The following IFT52 variants were observed in gnomAD, a reference collection of about 807,000 sequenced individuals.
The protein encoded by IFT52 is intraflagellar transport protein 52 homolog.
In IFT52, 44 loss-of-function variants were observed where a neutral mutation model predicts 54.4. That is an observed-to-expected ratio of 0.81 (90% confidence interval 0.63 to 1.04). The LOEUF is 1.04. Ranked by LOEUF, IFT52 falls within the 50% of genes least tolerant of loss-of-function variation. The pLI, the probability that IFT52 is intolerant of heterozygous loss-of-function variation, is 0.00. For missense variants in IFT52, 452 were observed against 523.6 expected (o/e 0.86, Z 1.33); for synonymous variants, 181 against 185.3 (o/e 0.98, Z 0.19).
chr20:43,639,659 A>T (rs1230392153), intron 12 of IFT52, among the ~76,000 whole-genome samples: 1 of 151,726 alleles, frequency 6.6e-6, no homozygotes, highest in Non-Finnish European at 1.5e-5. Context: ...AACAAGAGCG[A>T]AACTCCATCT....
intron 10 of IFT52, among the ~76,000 whole-genome samples, chr20:43,630,339 A>T (rs1985072120): frequency 6.6e-6 from 1 of 152,228 alleles, no homozygotes; most frequent in African/African-American, 2.4e-5. Flanking sequence ...ATGAAGGATT[A>T]ATTGGAACTG....
intron 3 of IFT52, among the ~76,000 whole-genome samples, chr20:43,599,292 C>T (rs1170850056): frequency 6.6e-6 from 1 of 152,136 alleles, no homozygotes; most frequent in African/African-American, 2.4e-5. Context: ...CTCAGGAACA[C>T]AGGGGCATCC....
At chr20:43,635,309 AG>A (rs1223757704) in intron 10 of IFT52, among the ~76,000 whole-genome samples, 1 of 151,104 alleles carries the variant, frequency 6.6e-6, no homozygotes, top group Non-Finnish European at 1.5e-5. Context: ...TTTTTTTTTG[AG>A]ACAGAATTTT....
At chr20:43,617,191 A>C (rs1327960431) in intron 7 of IFT52, among the ~76,000 whole-genome samples, 1 of 152,146 alleles carries the variant, frequency 6.6e-6, no homozygotes, top group East Asian at 1.9e-4. Flanking sequence ...TTGTGACTAT[A>C]ACTACACAAC....
chr20:43,636,593 G>A (rs983449668), intron 11 of IFT52, among the ~76,000 whole-genome samples: 1 of 152,076 alleles, frequency 6.6e-6, no homozygotes, highest in Non-Finnish European at 1.5e-5. Flanking sequence ...GTTTTGTTTT[G>A]AAAGTAGTTA....
intron 1 of IFT52, among the ~76,000 whole-genome samples, chr20:43,592,165 G>A (rs926948406): frequency 6.6e-6 from 1 of 152,120 alleles, no homozygotes; most frequent in South Asian, 2.1e-4. Context: ...GACCAGCCTG[G>A]CCAACCTGGT....
intron 12 of IFT52, among the ~76,000 whole-genome samples, chr20:43,639,180 G>A (rs1366406138): frequency 6.6e-6 from 1 of 151,746 alleles, no homozygotes; most frequent in East Asian, 1.9e-4. Context: ...CCATCATTAG[G>A]GGGATTGGTT....
chr20:43,605,229 T>C, intron 6 of IFT52, 156 bp downstream of exon 6: 2 of 1,428,756 alleles, frequency 1.4e-6, no homozygotes, highest in Non-Finnish European at 1.8e-6. Context: ...AAGTCCATGC[T>C]CCTCCCCCTG....
In IFT52 at chr20:43,632,121, C is replaced by T. The variant is rs183254887; in HGVS notation, c.924-3805C>T. 3.0e-3 allele frequency among the ~76,000 whole-genome samples: 455 copies of T among 151,656 alleles called. 2 individuals are homozygous for T. Among genetic ancestry groups the T allele is most frequent in the Non-Finnish European group, 5.1e-3 (349 of 67,894 alleles). ...TGTATTTTTAGTAGAGACGGGGTTT[C>T]TCCATGTTAGTCAGACTGGTCTTGA... On this transcript the variant is annotated intron_variant, in intron 10 of 13. Transcript: ENST00000373030.
At position 43,635,917 on chromosome 20, in the gene IFT52, T is replaced by G. The variant is rs776329506; in HGVS notation, c.924-9T>G. On this transcript the variant is annotated splice_polypyrimidine_tract_variant and intron_variant, in intron 10 of 13. Coordinates refer to ENST00000373030, the MANE Select transcript of IFT52 (RefSeq NM_016004.5). ...TGATCCCTGCTTTTTTGTTTGATTA[T>G]GAACACAGGGCTCACGAGCAGCTAA... 6.2e-7 allele frequency: 1 copy of G among 1,613,904 alleles called. No individual in the cohort carries two copies. Among genetic ancestry groups the G allele is most frequent in the African/African-American group, 1.3e-5 (1 of 75,054 alleles).
chr20:43,609,348 A>T (rs1164781089), intron 6 of IFT52, among the ~76,000 whole-genome samples: 1 of 152,248 alleles, frequency 6.6e-6, no homozygotes, highest in Admixed American at 6.5e-5. Flanking sequence ...TTATTTGTGT[A>T]TAGTAAAAGT....
At chr20:43,636,079 C>A in intron 11 of IFT52, 66 bp downstream of exon 11, 1 of 1,489,098 alleles carries the variant, frequency 6.7e-7, no homozygotes, top group Non-Finnish European at 9.4e-7. Context: ...TGTCAGCAGG[C>A]ATTCGCTGTG....
rs781231690 is a variant in IFT52, at chr20:43,591,022, G to C, written c.-39G>C. The C allele has an allele frequency of 6.6e-6, 1 of 152,274 alleles. No homozygotes were observed. The highest frequency in any genetic ancestry group is 6.5e-5 in the Admixed American group (1 of 15,294). 9.4% of individuals were successfully genotyped at this position (152,274 alleles called of 1,614,324 possible). ...GATACCTGGCCGCGGGATGCTGGGC[G>C]GCGTCAGGTGAGCGGTGGTCGCTGG... On this transcript the variant is annotated 5_prime_UTR_variant, in exon 1 of 14. Coordinates refer to ENST00000373030, the MANE Select transcript of IFT52 (RefSeq NM_016004.5).
At chr20:43,614,035 C>A in intron 7 of IFT52, 59 bp downstream of exon 7, 11 of 1,455,808 alleles carry the variant, frequency 7.6e-6, no homozygotes, top group South Asian at 1.2e-5. Context: ...ATAATAAAAA[C>A]CACCTTACCA....
intron 12 of IFT52, among the ~76,000 whole-genome samples, chr20:43,640,508 C>T (rs1029715815): frequency 3.3e-5 from 5 of 151,970 alleles, no homozygotes; most frequent in Non-Finnish European, 5.9e-5. Context: ...AACTTTGATT[C>T]GGAATGTCCA....
In IFT52 at chr20:43,603,748, TC is replaced by T; in HGVS notation, c.208-10del. ...CAAGTATATTCATAGATTGCTTTTT[TC>T]CTTTGTGTAGTTTGAAATCCTGAAG... On this transcript the variant is annotated splice_polypyrimidine_tract_variant and intron_variant, in intron 3 of 13. Coordinates refer to ENST00000373030, the MANE Select transcript of IFT52 (RefSeq NM_016004.5). 4 of 1,610,342 alleles carry T rather than the reference TC, an allele frequency of 2.5e-6. No homozygotes were observed. The highest frequency in any genetic ancestry group is 2.5e-6 in the Non-Finnish European group (3 of 1,178,778).
chr20:43,595,332 A>G lies in IFT52; in HGVS notation c.119+515A>G, dbSNP rs1011676945. ...ACTCCGTCTCAAAAAAAAAAAAAAA[A>G]AAAAAAGAAAGATCAAGACCATCCT... On this transcript the variant is annotated intron_variant, in intron 2 of 13. Coordinates refer to ENST00000373030, the MANE Select transcript of IFT52 (RefSeq NM_016004.5). Among the ~76,000 whole-genome samples the G allele has an allele frequency of 7.4e-5, 11 of 148,266 alleles. No individual in the cohort carries two copies. In the South Asian group the frequency reaches 2.3e-3, roughly 31 times the overall value.
chr20:43,607,818 C>T (rs1042718227), intron 6 of IFT52, among the ~76,000 whole-genome samples: 9 of 152,072 alleles, frequency 5.9e-5, no homozygotes, highest in Non-Finnish European at 8.8e-5. Flanking sequence ...GAGGTTGTAG[C>T]GAGCCGAGAT....
intron 9 of IFT52, among the ~76,000 whole-genome samples, chr20:43,622,658 T>TTATA (rs1166259077): frequency 6.8e-6 from 1 of 147,358 alleles, no homozygotes; most frequent in Admixed American, 6.8e-5. Flanking sequence ...TATATATATT[T>TTATA]TATATGTAAA....
Sources: allele counts gnomAD v4.1 joint callset (sites outside exome capture counted in the v4.1 genomes callset), GRCh38; gene constraint gnomAD v4.1.1; transcripts MANE v1.5; gene names NCBI Gene and HGNC (gene_info 2026-07-23, HGNC 2026-07-21).